Variants in PITPNM1 observed in about 807,000 individuals in gnomAD.
PITPNM1 encodes membrane-associated phosphatidylinositol transfer protein 1.
In PITPNM1, 74 loss-of-function variants were observed where a neutral mutation model predicts 133.3. That is an observed-to-expected ratio of 0.56 (90% CI 0.46 to 0.67). The LOEUF is 0.67. PITPNM1 is among the 30% of genes least tolerant of loss of function. The pLI is 0.00. For synonymous variants in PITPNM1, 738 were observed against 741.4 expected, an observed-to-expected ratio of 1.00 and a Z score of 0.08; for missense variants, 1,398 against 1,739.5, an observed-to-expected ratio of 0.80 and a Z score of 3.49.
chr11:67,502,135 C>G lies in PITPNM1; in HGVS notation c.416-49G>C, dbSNP rs199667933. The G allele has an allele frequency of 1.3e-6, 2 of 1,576,246 alleles. No individual in the cohort carries two copies. The highest frequency in any genetic ancestry group is 1.3e-5 in the African/African-American group (1 of 74,192). The stretch of plus-strand genomic sequence containing the variant: ...AGCAGCGCCAGCCCCTTTGAGCCCC[C>G]GCTCCTGGCACCCTCTTGGGACTGG... On this transcript the variant is annotated intron_variant, in intron 4 of 23. Coordinates refer to ENST00000356404, the MANE Select transcript of PITPNM1 (RefSeq NM_004910.3). This position sits in a 1 kb window ranked among gnomAD's most constrained non-coding sequence, Gnocchi z 5.9.
At chr11:67,496,089 G>A (rs1421347093) in intron 15 of PITPNM1, 89 bp downstream of exon 15, 35 of 1,256,398 alleles carry the variant, frequency 2.8e-5, no homozygotes, top group South Asian at 3.6e-5. Flanking sequence ...GTTTTCCATC[G>A]TCTGGGAGCC....
chr11:67,492,427 C>A, intron 23 of PITPNM1, 131 bp from the exon 24 acceptor site: 2 of 934,462 alleles, frequency 2.1e-6, no homozygotes, highest in Non-Finnish European at 3.1e-6. Context: ...TGAGCTGAAG[C>A]CTTCTCAATA....
intron 5 of PITPNM1, among the ~76,000 whole-genome samples, chr11:67,501,333 ACCAT>A (rs1263547134): frequency 6.6e-6 from 1 of 152,166 alleles, no homozygotes; most frequent in East Asian, 1.9e-4. Flanking sequence ...CCAACTAGGG[ACCAT>A]CCCTCTGTGT....
At position 67,501,775 on chromosome 11, in the gene PITPNM1, T is replaced by A. The variant is rs562851000; in HGVS notation, c.640+87A>T. The A allele has an allele frequency of 3.4e-5, 39 of 1,147,336 alleles. No homozygotes were observed. The South Asian group carries it at 5.3e-4, about 16-fold the overall frequency. The allele number at this position is 1,147,336 out of a possible 1,614,324, so 71.1% of individuals were successfully genotyped here. A position where few individuals can be genotyped will look rare whatever the true frequency, so the allele number is the denominator to read the frequency against. Reference sequence around the variant, plus strand: ...GAAACGATGGCTTTCTGCTTCTGTGTCCCCAGTGGATGGGAGCATCCCTGG... The same window carrying A: ...GAAACGATGGCTTTCTGCTTCTGTGACCCCAGTGGATGGGAGCATCCCTGG... On this transcript the variant is annotated intron_variant, in intron 5 of 23. Coordinates refer to ENST00000356404, the MANE Select transcript of PITPNM1 (RefSeq NM_004910.3).
chr11:67,498,562 A>ACGAGTTCC lies in PITPNM1; in HGVS notation c.1484+26_1484+33dup. The ACGAGTTCC allele has an allele frequency of 6.3e-7, 1 of 1,586,596 alleles. No homozygotes were observed. Among genetic ancestry groups the ACGAGTTCC allele is most frequent in the Non-Finnish European group, 8.5e-7 (1 of 1,172,350 alleles). Reference sequence around the variant, plus strand: ...CTGCCCCGCTCCCTGGCCTGATCCTACGAGTTCCCTGCCCTTCCACCCGTG... The same window carrying ACGAGTTCC: ...CTGCCCCGCTCCCTGGCCTGATCCTACGAGTTCCCGAGTTCCCTGCCCTTCCACCCGTG... On this transcript the variant is annotated intron_variant, in intron 10 of 23. Coordinates refer to ENST00000356404, the MANE Select transcript of PITPNM1 (RefSeq NM_004910.3). This position sits in a 1 kb window ranked among gnomAD's most constrained non-coding sequence, Gnocchi z 5.7.
Position 67,495,577 on chromosome 11 carries a change from G to A in PITPNM1, c.2343C>T (p.Ser781=). Residue 781 remains serine, a synonymous_variant, in exon 16 of 24, where the codon AGC becomes AGT. Coordinates refer to ENST00000356404, the MANE Select transcript of PITPNM1 (RefSeq NM_004910.3). Reference sequence around the variant, plus strand: ...GCATCTCCAGCTCCTCCAGAAAGAGGCTGGAGTGCGTCTGCAGAGTGTCGG... The same window carrying A: ...GCATCTCCAGCTCCTCCAGAAAGAGACTGGAGTGCGTCTGCAGAGTGTCGG... ...LLADTLQTHS[S]LFLEELEMLV... 1 of 1,583,284 alleles carries A rather than the reference G, an allele frequency of 6.3e-7. No homozygotes were observed. The highest frequency in any genetic ancestry group is 8.6e-7 in the Non-Finnish European group (1 of 1,169,206).
Position 67,491,950 on chromosome 11 carries a change from C to CT in PITPNM1, c.*82dup, listed in dbSNP as rs1290237339. ...GGGGGCCAGCGCTGGGGCCAAAAGT[C>CT]TGGGTCCCCAGCCTCCCACACGCAG... On this transcript the variant is annotated 3_prime_UTR_variant, in exon 24 of 24. Transcript: ENST00000356404. 2 of 1,492,578 alleles carry CT rather than the reference C, an allele frequency of 1.3e-6. No homozygotes were observed. The highest frequency in any genetic ancestry group is 1.8e-6 in the Non-Finnish European group (2 of 1,103,884). The allele number at this position is 1,492,578 out of a possible 1,614,324, so 92.5% of individuals were successfully genotyped here.
intron 5 of PITPNM1, 54 bp from the exon 6 acceptor site, chr11:67,500,475 C>A: frequency 1.3e-6 from 2 of 1,530,392 alleles, no homozygotes; most frequent in African/African-American, 1.4e-5. Context: ...CCTGCCACCG[C>A]AGCTACATGC....
rs768465918 is a variant in PITPNM1, at chr11:67,502,542, T to C, written c.255A>G (p.Glu85=). 9.9e-6 allele frequency: 16 copies of C among 1,613,746 alleles called. No homozygotes were observed. The highest frequency in any genetic ancestry group is 1.6e-4 in the Middle Eastern group (1 of 6,062). The change falls in exon 3 of 24, where the codon GAA becomes GAG. Residue 85 remains glutamate (E), a synonymous_variant. Coordinates refer to ENST00000356404, the MANE Select transcript of PITPNM1 (RefSeq NM_004910.3). This position sits in a 1 kb window ranked among gnomAD's most constrained non-coding sequence, Gnocchi z 5.9. The part of the protein sequence containing the change: ...ALLPKAALQV[E]EESWNAYPYT... ...AGGGGTAGGCATTCCAGGATTCCTC[T>C]TCTACCTGCAGGGCAGCCTTGGGCA...
Position 67,492,381 on chromosome 11 carries a change from G to A in PITPNM1, c.3472-85C>T, listed in dbSNP as rs977691462. ...CCACGGTCCTCCAGAGGCACCTGAG[G>A]CAGGCTGGGGGACTGGTGGCAGGCT... On this transcript the variant is annotated intron_variant, in intron 23 of 23. Transcript: ENST00000356404. 8.1e-6 allele frequency: 11 copies of A among 1,352,614 alleles called. No homozygotes were observed. The African/African-American group carries it at 1.6e-4, about 20-fold the overall frequency. The allele number at this position is 1,352,614 out of a possible 1,614,324, so 83.8% of individuals were successfully genotyped here. A position where few individuals can be genotyped will look rare whatever the true frequency, so the allele number is the denominator to read the frequency against.
chr11:67,498,581 A>G lies in PITPNM1; in HGVS notation c.1484+15T>C. 6.3e-7 allele frequency: 1 copy of G among 1,590,274 alleles called. No homozygotes were observed. The highest frequency in any genetic ancestry group is 8.5e-7 in the Non-Finnish European group (1 of 1,174,410). On this transcript the variant is annotated intron_variant, in intron 10 of 23. Coordinates refer to ENST00000356404, the MANE Select transcript of PITPNM1 (RefSeq NM_004910.3). The surrounding 1 kb of genome is among the most constrained non-coding windows in gnomAD (Gnocchi z 5.7). ...GATCCTACGAGTTCCCTGCCCTTCC[A>G]CCCGTGGCTAGTACTTGGAGACAAG...
Position 67,498,160 on chromosome 11 carries a change from T to C in PITPNM1, c.1647A>G (p.Ser549=), listed in dbSNP as rs1447943007. Residue 549 remains serine, a synonymous_variant, in exon 11 of 24, where the codon TCA becomes TCG. Coordinates refer to ENST00000356404, the MANE Select transcript of PITPNM1 (RefSeq NM_004910.3). The surrounding 1 kb of genome is among the most constrained non-coding windows in gnomAD (Gnocchi z 5.7). ...TNQAYSAFLR[S]PEGAGFCGQV... ...GCCCACAGAAGCCGGCACCCTCAGGTGAGCGCAGGAAGGCTGAGTAGGCCT... is the reference window on the plus strand; with the variant it reads ...GCCCACAGAAGCCGGCACCCTCAGGCGAGCGCAGGAAGGCTGAGTAGGCCT... 1 of 1,612,704 alleles carries C rather than the reference T, an allele frequency of 6.2e-7. No homozygotes were observed. Among genetic ancestry groups the C allele is most frequent in the Non-Finnish European group, 8.5e-7 (1 of 1,179,906 alleles).
rs527676618 is a variant in PITPNM1, at chr11:67,497,393, G to A, written c.1984C>T (p.Arg662Trp). 1.2e-5 allele frequency: 19 copies of A among 1,591,434 alleles called. No individual in the cohort carries two copies. The highest frequency in any genetic ancestry group is 1.1e-4 in the East Asian group (5 of 44,462). ...GGTGGGCAGAAGGCCGTGCTTGCCC[G>A]CCGGGGCTCCCAGGAGGAGGTGGTT... The part of the protein sequence containing the change: ...PATTSSWEPR[R>W]ASTAFCPPAA... The change falls in exon 14 of 24, where the codon CGG becomes TGG. Residue 662 changes from arginine (R) to tryptophan (W), a missense_variant. By Grantham distance (101) the Arg-to-Trp change is moderately radical. Coordinates refer to ENST00000356404, the MANE Select transcript of PITPNM1 (RefSeq NM_004910.3).
At chr11:67,494,193 G>A (rs1323310139) in intron 19 of PITPNM1, 51 bp downstream of exon 19, 1 of 1,588,242 alleles carries the variant, frequency 6.3e-7, no homozygotes, top group Admixed American at 1.7e-5. Flanking sequence ...GCTGTTCCGA[G>A]GACAGGAGAT....
chr11:67,500,352 C>G lies in PITPNM1; in HGVS notation c.710G>C (p.Ser237Thr). The G allele has an allele frequency of 1.2e-5, 20 of 1,612,238 alleles. No homozygotes were observed. Among genetic ancestry groups the G allele is most frequent in the Non-Finnish European group, 1.6e-5 (19 of 1,179,920 alleles). The change falls in exon 6 of 24, where the codon AGC (serine) becomes ACC (threonine). Residue 237 changes from serine to threonine, a missense_variant. This residue lies in a region of PITPNM1 where 274 missense variants were observed against 360.7 expected (regional missense o/e 0.76). Transcript: ENST00000356404. ...TTCCAGTGCCCGGATGTCAGCCATGCTCAGCTCTGTCCACTCATCCTGCCA... is the reference window on the plus strand; with the variant it reads ...TTCCAGTGCCCGGATGTCAGCCATGGTCAGCTCTGTCCACTCATCCTGCCA... Reference protein sequence around the residue: ...WCWQDEWTELSMADIRALEEE... With the variant: ...WCWQDEWTELTMADIRALEEE...
chr11:67,497,731 TCTA>T, intron 12 of PITPNM1, 52 bp from the exon 13 acceptor site: 3 of 1,594,194 alleles, frequency 1.9e-6, no homozygotes, highest in Non-Finnish European at 2.6e-6. Flanking sequence ...CCATTCGAAT[TCTA>T]CTTACTTAGA....
Position 67,501,971 on chromosome 11 carries a change from T to C in PITPNM1, c.531A>G (p.Ala177=), listed in dbSNP as rs781303495. The C allele has an allele frequency of 6.2e-6, 10 of 1,613,400 alleles. No individual in the cohort carries two copies. The highest frequency in any genetic ancestry group is 7.6e-6 in the Non-Finnish European group (9 of 1,180,022). ...GGGGCCCCGTCTGTGCCGCCGTCCGTGCCCAGTCATCAGACAGTGGCCCTC... is the reference window on the plus strand; with the variant it reads ...GGGGCCCCGTCTGTGCCGCCGTCCGCGCCCAGTCATCAGACAGTGGCCCTC... ...TGRGPLSDDW[A]RTAAQTGPLM... Residue 177 remains alanine, a synonymous_variant, in exon 5 of 24, where the codon GCA becomes GCG. Transcript: ENST00000356404.
intron 14 of PITPNM1, 44 bp from the exon 15 acceptor site, chr11:67,496,392 A>G: frequency 2.6e-6 from 4 of 1,534,970 alleles, no homozygotes; most frequent in Non-Finnish European, 3.5e-6. Context: ...TCAGGGTTTC[A>G]GCTGGGCACT....
chr11:67,496,051 C>T, intron 15 of PITPNM1, 127 bp downstream of exon 15: 1 of 916,154 alleles, frequency 1.1e-6, no homozygotes. Flanking sequence ...GGAAGGAGCG[C>T]CTGGTCCTGG....
Sources: gnomAD v4.1 joint callset for allele counts (sites outside exome capture counted in the v4.1 genomes callset) on GRCh38, gnomAD v4.1.1 for gene constraint, gnomAD v4.1.1 regional missense constraint, Gnocchi (gnomAD v3.1) non-coding constraint, MANE v1.5 for transcripts, NCBI Gene and HGNC (gene_info 2026-07-23, HGNC 2026-07-21) for gene names.